C1orf21: variants seen among roughly 807,000 people sequenced by gnomAD.
C1orf21 encodes the protein chromosome 1 open reading frame 21.
In C1orf21, 3 loss-of-function variants were observed where a neutral mutation model predicts 18.7. The observed-to-expected ratio is 0.16, with a 90% CI of 0.07 to 0.42. C1orf21 has a LOEUF of 0.42. Among genes scored for constraint, C1orf21 ranks in the 10% least tolerant of loss-of-function variants. C1orf21 has a pLI of 0.99. For synonymous variants in C1orf21, 41 were observed against 46.4 expected (o/e 0.88, Z 0.47); for missense variants, 104 against 143.6 (o/e 0.72, Z 1.41).
chr1:184,522,085 T>C (rs1274958010), intron 3 of C1orf21, among the ~76,000 whole-genome samples: 2 of 152,144 alleles, frequency 1.3e-5, no homozygotes, highest in Admixed American at 6.5e-5. Context: ...TTACAGATAT[T>C]TAACAGGGGA....
At chr1:184,474,943 C>T (rs1489916088) in intron 1 of C1orf21, among the ~76,000 whole-genome samples, 4 of 152,178 alleles carry the variant, frequency 2.6e-5, no homozygotes, top group Non-Finnish European at 5.9e-5. Context: ...TGAGAAGGTG[C>T]TGGCTGGGAA....
chr1:184,437,297 T>A (rs1420398877), intron 1 of C1orf21, among the ~76,000 whole-genome samples: 1 of 152,148 alleles, frequency 6.6e-6, no homozygotes, highest in African/African-American at 2.4e-5. Flanking sequence ...CAAAATGAAC[T>A]GAGAAAATTG....
At chr1:184,449,619 A>G (rs1657090413) in intron 1 of C1orf21, among the ~76,000 whole-genome samples, 1 of 152,154 alleles carries the variant, frequency 6.6e-6, no homozygotes, top group South Asian at 2.1e-4. Flanking sequence ...AGATTTCTTA[A>G]TACTCAGGAA....
At chr1:184,488,848 C>T (rs933673372) in intron 2 of C1orf21, among the ~76,000 whole-genome samples, 3 of 152,148 alleles carry the variant, frequency 2.0e-5, no homozygotes, top group Non-Finnish European at 4.4e-5. Flanking sequence ...GCCTGTAGTC[C>T]CAGCTACTTG....
chr1:184,514,408 G>A (rs984832299), intron 3 of C1orf21, among the ~76,000 whole-genome samples: 6 of 152,152 alleles, frequency 3.9e-5, no homozygotes, highest in African/African-American at 1.4e-4. Flanking sequence ...TTTGGATGGT[G>A]TTGCCTAATA....
chr1:184,568,012 A>G (rs1659057616), intron 3 of C1orf21, among the ~76,000 whole-genome samples: 1 of 152,134 alleles, frequency 6.6e-6, no homozygotes, highest in African/African-American at 2.4e-5. Flanking sequence ...ATGGCTGAAG[A>G]CAGCCACCAG....
intron 1 of C1orf21, among the ~76,000 whole-genome samples, chr1:184,456,592 G>A (rs1430761338): frequency 6.8e-6 from 1 of 147,858 alleles, no homozygotes; most frequent in Non-Finnish European, 1.5e-5. Context: ...TGATAGCACA[G>A]GTGCCAGATT....
chr1:184,521,115 A>G (rs1404012533), intron 3 of C1orf21, among the ~76,000 whole-genome samples: 5 of 151,960 alleles, frequency 3.3e-5, no homozygotes, highest in African/African-American at 1.2e-4. Context: ...CTGGTCTCGA[A>G]CTCCTGACCT....
chr1:184,425,267 C>CT (rs34302683), intron 1 of C1orf21, among the ~76,000 whole-genome samples: 19,824 of 144,238 alleles, frequency 0.14, 1,600 homozygotes, highest in African/African-American at 0.22. Context: ...ATCCTGATAT[C>CT]TTTTTTTTTT....
intron 3 of C1orf21, among the ~76,000 whole-genome samples, chr1:184,550,959 G>A (rs1658803754): frequency 6.6e-6 from 1 of 152,180 alleles, no homozygotes; most frequent in African/African-American, 2.4e-5. Flanking sequence ...ATAACAAAAT[G>A]GTTTTAGAGA....
At position 184,387,198 on chromosome 1, in the gene C1orf21, C is replaced by T. The variant is rs996961800; in HGVS notation, c.-295C>T. ...CCTCCCGCACGCTTGCACGCGGGCC[C>T]GGCTTCGGGGTTTTGGGTTCTTACT... On this transcript the variant is annotated 5_prime_UTR_variant, in exon 1 of 6. Transcript: ENST00000235307. This position sits in a 1 kb window ranked among gnomAD's most constrained non-coding sequence, Gnocchi z 5.6. The T allele has an allele frequency of 6.5e-6, 1 of 152,742 alleles. No homozygotes were observed. Among genetic ancestry groups the T allele is most frequent in the African/African-American group, 2.4e-5 (1 of 41,388 alleles). 9.5% of individuals were successfully genotyped at this position (152,742 alleles called of 1,614,324 possible).
At chr1:184,607,051 A>C (rs10911620) in intron 5 of C1orf21, among the ~76,000 whole-genome samples, 28,714 of 152,174 alleles carry the variant, frequency 0.19, 2,871 homozygotes, top group East Asian at 0.31. Context: ...AATTCTATCA[A>C]GTGCAGGCAC....
At chr1:184,390,004 G>T (rs1655946166) in intron 1 of C1orf21, among the ~76,000 whole-genome samples, 1 of 152,192 alleles carries the variant, frequency 6.6e-6, no homozygotes, top group South Asian at 2.1e-4. Context: ...ATCCTTTGAA[G>T]TTTCCTTCCA....
In C1orf21 at chr1:184,586,127, C is replaced by A. The variant is rs114384693; in HGVS notation, c.190-4612C>A. On this transcript the variant is annotated intron_variant, in intron 3 of 5. Transcript: ENST00000235307. ...AACTTCAATAGCATCTGTTATTTTT[C>A]GACTTTTTAATAGCCATTCTGATTG... Among the ~76,000 whole-genome samples the A allele has an allele frequency of 5.0e-4, 76 of 152,190 alleles. No individual in the cohort carries two copies. The East Asian group carries it at 0.013, about 27-fold the overall frequency.
chr1:184,571,998 T>C (rs956560187), intron 3 of C1orf21, among the ~76,000 whole-genome samples: 4 of 152,184 alleles, frequency 2.6e-5, no homozygotes, highest in African/African-American at 9.6e-5. Flanking sequence ...ATAATAGTAA[T>C]GGCTGGCATC....
chr1:184,587,579 G>T (rs1257243193), intron 3 of C1orf21, among the ~76,000 whole-genome samples: 1 of 148,728 alleles, frequency 6.7e-6, no homozygotes, highest in East Asian at 2.0e-4. Flanking sequence ...TAGTGAATGG[G>T]ACTGCATTCC....
At chr1:184,549,913 T>G (rs1444403513) in intron 3 of C1orf21, among the ~76,000 whole-genome samples, 5 of 152,238 alleles carry the variant, frequency 3.3e-5, no homozygotes, top group Admixed American at 3.3e-4. Flanking sequence ...ATGGTTTGAT[T>G]TATGATTTTT....
chr1:184,591,743 T>C (rs1326473599), intron 4 of C1orf21, among the ~76,000 whole-genome samples: 1 of 151,610 alleles, frequency 6.6e-6, no homozygotes, highest in Non-Finnish European at 1.5e-5. Flanking sequence ...GAGGTGGAGC[T>C]TGCAGTGAGC....
intron 1 of C1orf21, among the ~76,000 whole-genome samples, chr1:184,405,445 C>T (rs1465497533): frequency 6.6e-6 from 1 of 152,128 alleles, no homozygotes; most frequent in African/African-American, 2.4e-5. Flanking sequence ...ATCTACCTGC[C>T]TCGGCCTCCA....
Sources: allele counts gnomAD v4.1 joint callset (sites outside exome capture counted in the v4.1 genomes callset), GRCh38; gene constraint gnomAD v4.1.1; non-coding constraint Gnocchi (gnomAD v3.1); transcripts MANE v1.5; gene names NCBI Gene and HGNC (gene_info 2026-07-23, HGNC 2026-07-21).